The following SIPA1L2 variants were observed in gnomAD, a reference collection of about 807,000 sequenced individuals.
The protein encoded by SIPA1L2 is signal induced proliferation associated 1 like 2.
SIPA1L2 carries 56 observed loss-of-function variants against 163.9 expected under a neutral mutation model. The ratio of observed to expected loss-of-function variants is 0.34; its 90% confidence interval spans 0.28 to 0.43. SIPA1L2 has a LOEUF of 0.43. SIPA1L2 is among the 20% of genes least tolerant of loss of function. The pLI is 1.00. For synonymous variants in SIPA1L2, 877 were observed against 865.7 expected, an observed-to-expected ratio of 1.01 and a Z score of -0.23; for missense variants, 1,974 against 2,193.5, an observed-to-expected ratio of 0.90 and a Z score of 2.00.
At chr1:232,563,058 T>C (rs1245790957) in intron 2 of SIPA1L2, among the ~76,000 whole-genome samples, 3 of 152,108 alleles carry the variant, frequency 2.0e-5, no homozygotes, top group Non-Finnish European at 4.4e-5. Flanking sequence ...GCCTGAACTG[T>C]GAGGTGGGGG....
At position 232,530,150 on chromosome 1, in the gene SIPA1L2, C is replaced by T. The variant is rs528314246; in HGVS notation, c.-269-14542G>A. On this transcript the variant is annotated intron_variant, in intron 2 of 22. Transcript: ENST00000674635. ...TTTTTTTTTTAGATGGAGTCTTGCT[C>T]TGTCGCCAGGCTGGAATGCAGTGGC... Among the ~76,000 whole-genome samples the T allele has an allele frequency of 2.9e-4, 44 of 151,782 alleles. No homozygotes were observed. The South Asian group carries it at 7.7e-3, about 27-fold the overall frequency.
chr1:232,409,380 T>C (rs1660821252), intron 19 of SIPA1L2, among the ~76,000 whole-genome samples: 1 of 152,196 alleles, frequency 6.6e-6, no homozygotes, highest in South Asian at 2.1e-4. Flanking sequence ...CTTACTGATA[T>C]ATCTAAGGTG....
chr1:232,521,374 C>A (rs1423380299), intron 2 of SIPA1L2, among the ~76,000 whole-genome samples: 3 of 152,150 alleles, frequency 2.0e-5, no homozygotes, highest in Non-Finnish European at 2.9e-5. Flanking sequence ...TAAAGCAGGA[C>A]CTCAATAAAG....
At position 232,441,768 on chromosome 1, in the gene SIPA1L2, C is replaced by T; in HGVS notation, c.3538G>A (p.Glu1180Lys). ...EDTMEASRHP[E>K]TKWHGPPSKV... ...TCAATTTCCAGGAGTTCCTTATTAC[C>T]CGGGTGCCTGCTTGCTTCCATGGTG... Residue 1180 changes from glutamate to lysine, a missense_variant and splice_region_variant, in exon 13 of 23, where the codon GAA becomes AAA. Coordinates refer to ENST00000674635, the MANE Select transcript of SIPA1L2 (RefSeq NM_020808.5). The T allele has an allele frequency of 6.2e-7, 1 of 1,613,462 alleles. No homozygotes were observed. The highest frequency in any genetic ancestry group is 8.5e-7 in the Non-Finnish European group (1 of 1,179,686).
intron 1 of SIPA1L2, among the ~76,000 whole-genome samples, chr1:232,584,184 G>T (rs1028599832): frequency 6.6e-6 from 1 of 152,176 alleles, no homozygotes; most frequent in African/African-American, 2.4e-5. Flanking sequence ...GCCTTGCTGG[G>T]CTTCCCCATT....
rs200229959 is a variant in SIPA1L2, at chr1:232,439,218, G to A, written c.3921C>T (p.Asp1307=). The change falls in exon 15 of 23, where the codon GAC becomes GAT. Residue 1307 remains aspartate (D), a synonymous_variant. Coordinates refer to ENST00000674635, the MANE Select transcript of SIPA1L2 (RefSeq NM_020808.5). ...WADAADVSGP[D]DEPAKLYSVH... ...CAGAATATAACTTGGCTGGCTCGTC[G>A]TCAGGCCCAGAGACGTCGGCAGCAT... The A allele has an allele frequency of 3.5e-5, 56 of 1,613,842 alleles. No homozygotes were observed. In the African/African-American group the frequency reaches 4.3e-4, roughly 12 times the overall value.
At chr1:232,591,618 T>TGATGCA (rs1275392031) in intron 1 of SIPA1L2, among the ~76,000 whole-genome samples, 2 of 152,250 alleles carry the variant, frequency 1.3e-5, no homozygotes, top group Non-Finnish European at 2.9e-5. Flanking sequence ...TCAGGCCTTG[T>TGATGCA]GATGCAGTTT....
intron 2 of SIPA1L2, among the ~76,000 whole-genome samples, chr1:232,540,095 G>C (rs1321893169): frequency 6.6e-6 from 1 of 152,110 alleles, no homozygotes; most frequent in Admixed American, 6.5e-5. Flanking sequence ...TAAGAGGTCA[G>C]GAGTTCGAAA....
At position 232,565,993 on chromosome 1, in the gene SIPA1L2, T is replaced by C. The variant is rs191929214; in HGVS notation, c.-270+8181A>G. The stretch of plus-strand genomic sequence containing the variant: ...ATTACATTATAATAATTATTGACTA[T>C]GGCTCTTTCAAGTTGCCCTTACACT... On this transcript the variant is annotated intron_variant, in intron 2 of 22. Coordinates refer to ENST00000674635, the MANE Select transcript of SIPA1L2 (RefSeq NM_020808.5). Among the ~76,000 whole-genome samples the C allele has an allele frequency of 1.2e-3, 181 of 152,366 alleles. 1 individual carries two copies. The highest frequency in any genetic ancestry group is 4.0e-3 in the African/African-American group (168 of 41,596).
chr1:232,440,866 T>A (rs6687568), intron 14 of SIPA1L2, among the ~76,000 whole-genome samples: 24,641 of 152,138 alleles, frequency 0.16, 2,290 homozygotes, highest in Non-Finnish European at 0.21. Context: ...TACCCTGACA[T>A]GTGTAATGGG....
At chr1:232,425,863 G>A (rs1391442320) in intron 17 of SIPA1L2, 55 bp from the exon 18 acceptor site, 6 of 1,464,846 alleles carry the variant, frequency 4.1e-6, no homozygotes, top group East Asian at 2.3e-5. Context: ...ACGAATGCAC[G>A]GGGCTTGTTG....
chr1:232,544,287 C>A (rs151122139), intron 2 of SIPA1L2, among the ~76,000 whole-genome samples: 1 of 152,130 alleles, frequency 6.6e-6, no homozygotes, highest in African/African-American at 2.4e-5. Flanking sequence ...AGCGGCCGGG[C>A]GCAATGGCTC....
intron 8 of SIPA1L2, among the ~76,000 whole-genome samples, chr1:232,469,141 T>C (rs1024441998): frequency 6.6e-6 from 1 of 152,180 alleles, no homozygotes; most frequent in African/African-American, 2.4e-5. Context: ...CTGACAGCTG[T>C]AAGGCCTATG....
At chr1:232,481,725 C>T (rs569788057) in intron 6 of SIPA1L2, among the ~76,000 whole-genome samples, 1 of 152,308 alleles carries the variant, frequency 6.6e-6, no homozygotes, top group African/African-American at 2.4e-5. Flanking sequence ...GGATTCTGTA[C>T]TCTGCTCTAG....
rs375944814 is a variant in SIPA1L2 at position 232,467,489 on chromosome 1, A to T, written c.2244-2073T>A. ...TTATCCCCCACAATCCCCCATGTTA[A>T]CTCTGGGAGAGTGGTCTTAAAGCTA... is the stretch of plus-strand genomic sequence containing the variant. On this transcript the variant is annotated intron_variant, in intron 8 of 22. Coordinates refer to ENST00000674635, the MANE Select transcript of SIPA1L2 (RefSeq NM_020808.5). Among the ~76,000 whole-genome samples, 6 of 152,026 alleles carry T rather than the reference A, an allele frequency of 3.9e-5. No individual in the cohort carries two copies. In the East Asian group the frequency reaches 9.6e-4, roughly 24 times the overall value.
chr1:232,509,327 A>C (rs543085662), intron 3 of SIPA1L2, among the ~76,000 whole-genome samples: 1 of 152,380 alleles, frequency 6.6e-6, no homozygotes, highest in East Asian at 1.9e-4. Flanking sequence ...TCGCACTTTA[A>C]ACATTTGCCA....
chr1:232,426,222 A>G (rs1661888789), intron 17 of SIPA1L2, among the ~76,000 whole-genome samples: 1 of 152,150 alleles, frequency 6.6e-6, no homozygotes, highest in Non-Finnish European at 1.5e-5. Context: ...ATATTAGGCA[A>G]TTTCTCTACC....
chr1:232,414,254 C>A (rs1046790499), intron 19 of SIPA1L2, among the ~76,000 whole-genome samples: 3 of 152,184 alleles, frequency 2.0e-5, no homozygotes, highest in Admixed American at 6.5e-5. Context: ...TCACCTACTT[C>A]CCCTGTGTCC....
rs998364771 is a variant in SIPA1L2 at position 232,564,330 on chromosome 1, T to C, written c.-270+9844A>G. ...CCCAGGCTGGAGTGCAATGGTGCGATCTTGGCTCGCTGCAACTTCTTACAG... is the reference window on the plus strand; with the variant it reads ...CCCAGGCTGGAGTGCAATGGTGCGACCTTGGCTCGCTGCAACTTCTTACAG... On this transcript the variant is annotated intron_variant, in intron 2 of 22. Transcript: ENST00000674635. Among the ~76,000 whole-genome samples, 3 of 149,436 alleles carry C rather than the reference T, an allele frequency of 2.0e-5. No individual in the cohort carries two copies. In the Admixed American group the frequency reaches 2.0e-4, roughly 10 times the overall value.
Sources: gnomAD v4.1 joint callset for allele counts (sites outside exome capture counted in the v4.1 genomes callset) on GRCh38, gnomAD v4.1.1 for gene constraint, MANE v1.5 for transcripts, NCBI Gene and HGNC (gene_info 2026-07-23, HGNC 2026-07-21) for gene names.